Variants in SOS2 observed in about 807,000 individuals in gnomAD.
The protein encoded by SOS2 is son of sevenless homolog 2.
In SOS2, 65 loss-of-function variants were observed where a neutral mutation model predicts 148.2. The observed-to-expected ratio is 0.44, with a 90% CI of 0.36 to 0.54. The LOEUF (loss-of-function observed/expected upper bound fraction) is 0.54, where lower values mean the gene tolerates loss of function less well. SOS2 is among the 20% of genes least tolerant of loss of function. The probability of loss-of-function intolerance (pLI) is 0.00; values close to 1 mark genes in which losing one functional copy is unlikely to be tolerated. For synonymous variants in SOS2, 539 were observed against 537.1 expected (o/e 1.00, Z -0.05); for missense variants, 1,341 against 1,590.2 (o/e 0.84, Z 2.67).
intron 7 of SOS2, among the ~76,000 whole-genome samples, chr14:50,175,714 T>C (rs1275292825): frequency 6.6e-6 from 1 of 152,098 alleles, no homozygotes; most frequent in East Asian, 1.9e-4. Context: ...TATAATGGAT[T>C]TAACTCATGT....
intron 4 of SOS2, among the ~76,000 whole-genome samples, chr14:50,195,173 G>C (rs1886275840): frequency 6.6e-6 from 1 of 152,142 alleles, no homozygotes; most frequent in South Asian, 2.1e-4. Flanking sequence ...CAGTCCTCGG[G>C]AGTTTAGAAA....
At chr14:50,150,376 C>G in intron 13 of SOS2, 146 bp from the exon 14 acceptor site, 1 of 632,718 alleles carries the variant, frequency 1.6e-6, no homozygotes, top group Non-Finnish European at 2.8e-6. Flanking sequence ...CATGCCATCC[C>G]GTCACTTCCT....
intron 17 of SOS2, among the ~76,000 whole-genome samples, chr14:50,139,190 G>A (rs1292648452): frequency 6.6e-6 from 1 of 152,098 alleles, no homozygotes; most frequent in Non-Finnish European, 1.5e-5. Flanking sequence ...GCCAATTTTG[G>A]TTAATAAGTC....
rs1447838803 is a variant in SOS2, at chr14:50,230,985, T to C, written c.87+212A>G. 8 of 839,732 alleles carry C rather than the reference T, an allele frequency of 9.5e-6. No individual in the cohort carries two copies. The East Asian group carries it at 2.7e-4, about 28-fold the overall frequency. 52.0% of individuals were successfully genotyped at this position (839,732 alleles called of 1,614,324 possible). A position where few individuals can be genotyped will look rare whatever the true frequency, so the allele number is the denominator to read the frequency against. ...AACATGAAATCCAGTTTTATGATCA[T>C]AACAAAACCTTCCTTCCGGGACCAG... is the stretch of plus-strand genomic sequence containing the variant. On this transcript the variant is annotated intron_variant, in intron 1 of 22. Transcript: ENST00000216373.
chr14:50,137,572 T>C (rs775658401), intron 18 of SOS2, among the ~76,000 whole-genome samples: 2 of 152,210 alleles, frequency 1.3e-5, no homozygotes, highest in Non-Finnish European at 2.9e-5. Flanking sequence ...TGCTATCTAC[T>C]GATTAATTTT....
At chr14:50,155,722 T>C (rs1259031622) in intron 12 of SOS2, among the ~76,000 whole-genome samples, 1 of 152,108 alleles carries the variant, frequency 6.6e-6, no homozygotes, top group Non-Finnish European at 1.5e-5. Flanking sequence ...TAGTTATAAG[T>C]ACAGGACTGA....
At chr14:50,127,110 T>C (rs1462601590) in intron 21 of SOS2, among the ~76,000 whole-genome samples, 1 of 151,682 alleles carries the variant, frequency 6.6e-6, no homozygotes, top group African/African-American at 2.4e-5. Context: ...AGACGTTTCT[T>C]AGCTTCCTTT....
chr14:50,226,474 G>C (rs745967032), intron 1 of SOS2, among the ~76,000 whole-genome samples: 4 of 152,158 alleles, frequency 2.6e-5, no homozygotes, highest in Admixed American at 2.6e-4. Flanking sequence ...GATCTCAGTA[G>C]AACTTCACAA....
chr14:50,154,536 T>C (rs1312682292), intron 12 of SOS2, among the ~76,000 whole-genome samples: 1 of 152,198 alleles, frequency 6.6e-6, no homozygotes, highest in Non-Finnish European at 1.5e-5. Context: ...ATAAAGTTCA[T>C]AGCGGCTTTA....
At chr14:50,182,303 C>T (rs1885770211) in intron 6 of SOS2, among the ~76,000 whole-genome samples, 160 bp downstream of exon 6, 1 of 145,232 alleles carries the variant, frequency 6.9e-6, no homozygotes, top group Non-Finnish European at 1.5e-5. Flanking sequence ...ACCTCAGCCT[C>T]CTGAGTCACT....
intron 19 of SOS2, among the ~76,000 whole-genome samples, chr14:50,133,560 A>T (rs1854080366): frequency 6.6e-6 from 1 of 152,046 alleles, no homozygotes; most frequent in Non-Finnish European, 1.5e-5. Context: ...GATAGCATGA[A>T]ACTACCTGAC....
At chr14:50,226,966 C>T (rs186861254) in intron 1 of SOS2, among the ~76,000 whole-genome samples, 1 of 152,126 alleles carries the variant, frequency 6.6e-6, no homozygotes, top group African/African-American at 2.4e-5. Flanking sequence ...AACACAATAG[C>T]TTCAATGATC....
chr14:50,118,167 T>C lies in SOS2; in HGVS notation c.*177A>G, dbSNP rs1883353042. On this transcript the variant is annotated 3_prime_UTR_variant, in exon 23 of 23. Transcript: ENST00000216373. ...AATGCTACTGATCACCTGAGGATAA[T>C]GGTGAAGGACTTTTGTATTTTTATT... The C allele has an allele frequency of 1.6e-6, 1 of 610,806 alleles. No homozygotes were observed. Among genetic ancestry groups the C allele is most frequent in the Non-Finnish European group, 2.8e-6 (1 of 355,908 alleles). The allele number at this position is 610,806 out of a possible 1,614,324, so 37.8% of individuals were successfully genotyped here. A position where few individuals can be genotyped will look rare whatever the true frequency, so the allele number is the denominator to read the frequency against.
At chr14:50,140,587 G>A (rs1368004602) in intron 16 of SOS2, among the ~76,000 whole-genome samples, 2 of 152,130 alleles carry the variant, frequency 1.3e-5, no homozygotes, top group African/African-American at 2.4e-5. Context: ...AAACCCCAGA[G>A]CGAACACTAT....
At chr14:50,149,920 A>C (rs897407060) in intron 14 of SOS2, 88 bp downstream of exon 14, 2 of 913,196 alleles carry the variant, frequency 2.2e-6, no homozygotes, top group African/African-American at 1.6e-5. Flanking sequence ...ATTTTTAAGC[A>C]CTCATGAATA....
rs981438459 is a variant in SOS2 at position 50,221,506 on chromosome 14, T to C, written c.87+9691A>G. Among the ~76,000 whole-genome samples, 9 of 152,186 alleles carry C rather than the reference T, an allele frequency of 5.9e-5. No homozygotes were observed. The East Asian group carries it at 1.3e-3, about 23-fold the overall frequency. On this transcript the variant is annotated intron_variant, in intron 1 of 22. Coordinates refer to ENST00000216373, the MANE Select transcript of SOS2 (RefSeq NM_006939.4). ...CTCTCACTTATCTTGAAATTCTCTA[T>C]AGGATACATGTTGCTCTGAAGTGCA...
At chr14:50,211,268 T>C (rs1480049705) in intron 1 of SOS2, among the ~76,000 whole-genome samples, 2 of 152,120 alleles carry the variant, frequency 1.3e-5, no homozygotes, top group African/African-American at 4.8e-5. Flanking sequence ...GTTAAAAATA[T>C]GTTATTAAAA....
intron 4 of SOS2, among the ~76,000 whole-genome samples, chr14:50,190,001 A>G (rs534899162): frequency 7.5e-4 from 114 of 151,978 alleles, no homozygotes; most frequent in Non-Finnish European, 1.3e-3. Flanking sequence ...GGTGCACGCC[A>G]CCATGCCTGG....
At chr14:50,167,401 G>A (rs1447743689) in intron 8 of SOS2, among the ~76,000 whole-genome samples, 3 of 152,006 alleles carry the variant, frequency 2.0e-5, no homozygotes, top group African/African-American at 4.8e-5. Flanking sequence ...TGGGTATGGT[G>A]GCATGCTCTT....
Sources: gnomAD v4.1 joint callset for allele counts (sites outside exome capture counted in the v4.1 genomes callset) on GRCh38, gnomAD v4.1.1 for gene constraint, MANE v1.5 for transcripts, NCBI Gene and HGNC (gene_info 2026-07-23, HGNC 2026-07-21) for gene names.